The following RIT2 variants were observed in gnomAD, a reference collection of about 807,000 sequenced individuals.
The protein encoded by RIT2 is Ras like without CAAX 2.
RIT2 carries 24 observed loss-of-function variants against 23.7 expected under a neutral mutation model. That is an observed-to-expected ratio of 1.01 (90% CI 0.73 to 1.43). RIT2 has a LOEUF of 1.43. Ranked by LOEUF, RIT2 falls within the 40% of genes most tolerant of loss-of-function variation. The pLI is 0.00. For synonymous variants in RIT2, 107 were observed against 91.1 expected (o/e 1.17, Z -0.99); for missense variants, 236 against 266.9 (o/e 0.88, Z 0.81).
chr18:43,057,401 A>T (rs900955344), intron 1 of RIT2, among the ~76,000 whole-genome samples: 16 of 152,164 alleles, frequency 1.1e-4, no homozygotes, highest in Admixed American at 9.2e-4. Context: ...TGTCAACCTC[A>T]TCTCCAGGAT....
intron 3 of RIT2, among the ~76,000 whole-genome samples, chr18:42,933,902 C>T (rs1188228270): frequency 6.6e-6 from 1 of 151,782 alleles, no homozygotes; most frequent in Non-Finnish European, 1.5e-5. Flanking sequence ...CCTGTAATCC[C>T]AGCTACTCGG....
At chr18:42,775,358 T>C (rs1252278464) in intron 4 of RIT2, among the ~76,000 whole-genome samples, 3 of 152,094 alleles carry the variant, frequency 2.0e-5, no homozygotes, top group African/African-American at 7.2e-5. Context: ...CAACTATGTG[T>C]CCAGAAGGTA....
chr18:42,988,714 G>C (rs1910771447), intron 2 of RIT2, among the ~76,000 whole-genome samples: 1 of 152,182 alleles, frequency 6.6e-6, no homozygotes, highest in Non-Finnish European at 1.5e-5. Flanking sequence ...CACAAAATTA[G>C]CTGTCACAAG....
In RIT2 at chr18:42,974,273, T is replaced by G. The variant is rs538577168; in HGVS notation, c.161-126A>C. ...AATTAGAAATATTCCTCAAATAACG[T>G]ATATAGATTGAAAAATGATGTAACT... On this transcript the variant is annotated intron_variant, in intron 2 of 4. Coordinates refer to ENST00000326695, the MANE Select transcript of RIT2 (RefSeq NM_002930.4). 5 of 593,794 alleles carry G rather than the reference T, an allele frequency of 8.4e-6. No homozygotes were observed. In the South Asian group the frequency reaches 1.2e-4, roughly 15 times the overall value. 36.8% of individuals were successfully genotyped at this position (593,794 alleles called of 1,614,324 possible).
chr18:42,974,252 A>C, intron 2 of RIT2, 105 bp from the exon 3 acceptor site: 1 of 714,564 alleles, frequency 1.4e-6, no homozygotes, highest in East Asian at 2.8e-5. Flanking sequence ...TAAGATAATT[A>C]GAAATATTCC....
intron 4 of RIT2, among the ~76,000 whole-genome samples, chr18:42,781,081 G>C (rs978950059): frequency 1.3e-5 from 2 of 151,970 alleles, no homozygotes; most frequent in African/African-American, 2.4e-5. Flanking sequence ...TAATAACTGT[G>C]AAAGTGTTTT....
intron 4 of RIT2, among the ~76,000 whole-genome samples, chr18:42,888,149 G>A (rs1001123511): frequency 3.3e-5 from 5 of 151,656 alleles, no homozygotes; most frequent in African/African-American, 1.2e-4. Context: ...TGTAAACTAC[G>A]GGCTTTGGGT....
intron 1 of RIT2, among the ~76,000 whole-genome samples, chr18:43,107,676 A>T (rs2144248250): frequency 6.6e-6 from 1 of 152,196 alleles, no homozygotes; most frequent in East Asian, 1.9e-4. Context: ...TATGTGGTTG[A>T]GGCCCCCAGG....
chr18:42,970,763 A>G (rs1910343530), intron 3 of RIT2, among the ~76,000 whole-genome samples: 1 of 151,974 alleles, frequency 6.6e-6, no homozygotes, highest in Admixed American at 6.6e-5. Context: ...ACTTCGCACT[A>G]TTGTTCATTC....
chr18:42,757,563 CA>C (rs1237608462), intron 4 of RIT2, among the ~76,000 whole-genome samples: 1 of 152,154 alleles, frequency 6.6e-6, no homozygotes. Context: ...CTACAGAAAA[CA>C]AAACTGAACC....
At chr18:42,796,575 T>G (rs529962164) in intron 4 of RIT2, among the ~76,000 whole-genome samples, 1 of 152,200 alleles carries the variant, frequency 6.6e-6, no homozygotes, top group African/African-American at 2.4e-5. Flanking sequence ...TGAATTAAGC[T>G]GAAGCTCTCC....
At chr18:42,828,003 CAAAAAAA>C (rs200737336) in intron 4 of RIT2, among the ~76,000 whole-genome samples, 3,586 of 51,744 alleles carry the variant, frequency 0.069, 159 homozygotes, top group East Asian at 0.35. Context: ...GACTCCGTCT[CAAAAAAA>C]AAAAAAAAAA....
At chr18:42,820,376 A>T (rs867661438) in intron 4 of RIT2, among the ~76,000 whole-genome samples, 18 of 152,166 alleles carry the variant, frequency 1.2e-4, no homozygotes, top group Admixed American at 1.2e-3. Context: ...AGTTAAAAAA[A>T]AAAAGTGAAC....
intron 1 of RIT2, among the ~76,000 whole-genome samples, chr18:43,105,110 G>C (rs12969508): frequency 2.7e-5 from 4 of 146,790 alleles, no homozygotes; most frequent in African/African-American, 1.1e-4. Flanking sequence ...CTGTGTGTGT[G>C]TGTGTGTGTG....
At chr18:42,931,514 A>G (rs997521322) in intron 3 of RIT2, among the ~76,000 whole-genome samples, 1 of 152,170 alleles carries the variant, frequency 6.6e-6, no homozygotes, top group African/African-American at 2.4e-5. Flanking sequence ...TATTTGGATC[A>G]AATTTTGCAC....
chr18:42,770,127 G>C, intron 4 of RIT2, among the ~76,000 whole-genome samples: 1 of 152,052 alleles, frequency 6.6e-6, no homozygotes, highest in East Asian at 1.9e-4. Context: ...GGCATACACG[G>C]AGGAAAGGAA....
chr18:43,026,070 T>C (rs1269041382), intron 2 of RIT2, among the ~76,000 whole-genome samples: 2 of 151,978 alleles, frequency 1.3e-5, no homozygotes, highest in African/African-American at 4.8e-5. Context: ...AATAATAATG[T>C]AGGCTGGGGA....
chr18:42,909,672 A>T (rs1488816244), intron 4 of RIT2, among the ~76,000 whole-genome samples: 3 of 152,164 alleles, frequency 2.0e-5, no homozygotes, highest in Non-Finnish European at 2.9e-5. Context: ...AATACATTTT[A>T]AAACCCTTCA....
At chr18:42,818,347 GAAA>G (rs926567041) in intron 4 of RIT2, among the ~76,000 whole-genome samples, 11 of 152,030 alleles carry the variant, frequency 7.2e-5, no homozygotes, top group African/African-American at 2.7e-4. Flanking sequence ...TTGGCACTAT[GAAA>G]AACACTTTAA....
Sources: allele counts gnomAD v4.1 joint callset (sites outside exome capture counted in the v4.1 genomes callset), GRCh38; gene constraint gnomAD v4.1.1; transcripts MANE v1.5; gene names NCBI Gene and HGNC (gene_info 2026-07-23, HGNC 2026-07-21).